Variants in LY6E observed in about 807,000 individuals in gnomAD.
LY6E encodes lymphocyte antigen 6 family member E, also known as lymphocyte antigen 6E.
A neutral mutation model predicts 7.7 loss-of-function variants in LY6E; 4 were observed. The observed-to-expected ratio is 0.52, with a 90% confidence interval of 0.25 to 1.18. The LOEUF (loss-of-function observed/expected upper bound fraction) is 1.18, where lower values mean the gene tolerates loss of function less well. Among genes scored for constraint, LY6E ranks in the 50% most tolerant of loss-of-function variants. LY6E has a pLI of 0.14. For synonymous variants in LY6E, 81 were observed against 80.1 expected (o/e 1.01, Z -0.06); for missense variants, 156 against 168.0 (o/e 0.93, Z 0.40).
rs1248795424 is a variant in LY6E, at chr8:143,020,985, G to A, written c.46G>A (p.Glu16Lys). The A allele has an allele frequency of 4.3e-6, 7 of 1,613,784 alleles. No individual in the cohort carries two copies. Among genetic ancestry groups the A allele is most frequent in the South Asian group, 1.1e-5 (1 of 91,076 alleles). Residue 16 changes from glutamate (E) to lysine (K), a missense_variant, in exon 2 of 4, where the codon GAG (glutamate) becomes AAG (lysine). Coordinates refer to ENST00000292494, the MANE Select transcript of LY6E (RefSeq NM_002346.3). ...PVLLAALLGVERASSLMCFSC... is the reference protein window; with the variant it reads ...PVLLAALLGVKRASSLMCFSC... ...GCTGCTGGCTGCCCTTCTGGGTGTG[G>A]AGCGAGGTGAGGTGCCCTTGGGGAC...
At position 143,021,342 on chromosome 8, in the gene LY6E, G is replaced by C. The variant is rs776848864; in HGVS notation, c.81G>C (p.Leu27Phe). Residue 27 changes from leucine (L) to phenylalanine (F), a missense_variant, in exon 3 of 4, where the codon TTG becomes TTC. Coordinates refer to ENST00000292494, the MANE Select transcript of LY6E (RefSeq NM_002346.3). Reference protein sequence around the residue: ...RASSLMCFSCLNQKSNLYCLK... With the variant: ...RASSLMCFSCFNQKSNLYCLK... ...GCTCGCTGATGTGCTTCTCCTGCTT[G>C]AACCAGAAGAGCAATCTGTACTGCC... The C allele has an allele frequency of 1.2e-6, 2 of 1,613,816 alleles. No homozygotes were observed. Among genetic ancestry groups the C allele is most frequent in the South Asian group, 2.2e-5 (2 of 91,082 alleles).
rs188373137 is a variant in LY6E, at chr8:143,021,987, G to T, written c.*198G>T. ...AGTGGGGCCAGCTGCCCTCACTTCTGGGGTGGATGATGTGACCTTCCTTGG... is the reference window on the plus strand; with the variant it reads ...AGTGGGGCCAGCTGCCCTCACTTCTTGGGTGGATGATGTGACCTTCCTTGG... On this transcript the variant is annotated 3_prime_UTR_variant, in exon 4 of 4. Transcript: ENST00000292494. The T allele has an allele frequency of 1.7e-6, 1 of 598,992 alleles. No homozygotes were observed. 37.1% of individuals were successfully genotyped at this position (598,992 alleles called of 1,614,324 possible). A position where few individuals can be genotyped will look rare whatever the true frequency, so the allele number is the denominator to read the frequency against.
In LY6E at chr8:143,020,894, C is replaced by T; in HGVS notation, c.-46C>T. On this transcript the variant is annotated 5_prime_UTR_variant, in exon 2 of 4. Transcript: ENST00000292494. ...GTGTGTCTCTCCAGAGCAGGACAGGCTGCTTTGGTTTGTGACCTCCAGGCA... is the reference window on the plus strand; with the variant it reads ...GTGTGTCTCTCCAGAGCAGGACAGGTTGCTTTGGTTTGTGACCTCCAGGCA... 6.3e-7 allele frequency: 1 copy of T among 1,594,442 alleles called. No homozygotes were observed. Among genetic ancestry groups the T allele is most frequent in the African/African-American group, 1.3e-5 (1 of 74,740 alleles).
At position 143,021,835 on chromosome 8, in the gene LY6E, C is replaced by G; in HGVS notation, c.*46C>G. The G allele has an allele frequency of 6.6e-7, 1 of 1,521,534 alleles. No homozygotes were observed. Among genetic ancestry groups the G allele is most frequent in the Non-Finnish European group, 8.9e-7 (1 of 1,128,862 alleles). The allele number at this position is 1,521,534 out of a possible 1,614,324, so 94.3% of individuals were successfully genotyped here. Reference sequence around the variant, plus strand: ...GATCCCCCAGCTCAGGAAGGAAAGCCCAGCCCTTTCTGGATCCCACAGTGT... The same window carrying G: ...GATCCCCCAGCTCAGGAAGGAAAGCGCAGCCCTTTCTGGATCCCACAGTGT... On this transcript the variant is annotated 3_prime_UTR_variant, in exon 4 of 4. Transcript: ENST00000292494.
chr8:143,020,388 C>T (rs148136377), intron 1 of LY6E: 2,467 of 154,974 alleles, frequency 0.016, 64 homozygotes, highest in African/African-American at 0.055. Context: ...GCACGTACCA[C>T]GCCCGGCTAA....
In LY6E at chr8:143,021,866, A is replaced by T; in HGVS notation, c.*77A>T. ...CTTTCTGGATCCCACAGTGTATGGG[A>T]GCCCCTGACTCCTCACGTGCCTGAT... On this transcript the variant is annotated 3_prime_UTR_variant, in exon 4 of 4. Coordinates refer to ENST00000292494, the MANE Select transcript of LY6E (RefSeq NM_002346.3). 5 of 1,327,466 alleles carry T rather than the reference A, an allele frequency of 3.8e-6. No individual in the cohort carries two copies. The South Asian group carries it at 6.9e-5, about 18-fold the overall frequency. The allele number at this position is 1,327,466 out of a possible 1,614,324, so 82.2% of individuals were successfully genotyped here. A position where few individuals can be genotyped will look rare whatever the true frequency, so the allele number is the denominator to read the frequency against.
chr8:143,020,970 G>A lies in LY6E; in HGVS notation c.31G>A (p.Ala11Thr), dbSNP rs1359063104. The change falls in exon 2 of 4, where the codon GCC (alanine) becomes ACC (threonine). Residue 11 changes from alanine (A) to threonine (T), a missense_variant. Physicochemically the swap from Ala to Thr is moderately conservative, Grantham distance 58. Transcript: ENST00000292494. ...GATCTTCTTGCCAGTGCTGCTGGCTGCCCTTCTGGGTGTGGAGCGAGGTGA... is the reference window on the plus strand; with the variant it reads ...GATCTTCTTGCCAGTGCTGCTGGCTACCCTTCTGGGTGTGGAGCGAGGTGA... MKIFLPVLLA[A>T]LLGVERASSL... 4.3e-6 allele frequency: 7 copies of A among 1,613,964 alleles called. No homozygotes were observed. The highest frequency in any genetic ancestry group is 1.7e-5 in the Admixed American group (1 of 60,014).
chr8:143,022,369 C>T lies in LY6E; in HGVS notation c.*580C>T, dbSNP rs1223365357. ...CAGCCCACCCCCACATTGGAGCCCT[C>T]CTGCTGCTTTGGTGCCTCAAATAAA... On this transcript the variant is annotated 3_prime_UTR_variant, in exon 4 of 4. Transcript: ENST00000292494. 6.4e-6 allele frequency: 1 copy of T among 155,840 alleles called. No homozygotes were observed. The highest frequency in any genetic ancestry group is 1.9e-4 in the East Asian group (1 of 5,238). The allele number at this position is 155,840 out of a possible 1,614,324, so 9.7% of individuals were successfully genotyped here.
chr8:143,021,116 C>T, intron 2 of LY6E, 125 bp downstream of exon 2: 1 of 1,265,328 alleles, frequency 7.9e-7, no homozygotes, highest in Non-Finnish European at 1.1e-6. Flanking sequence ...GAGGGCTCAC[C>T]CGGCCTGGCC....
intron 2 of LY6E, 119 bp downstream of exon 2, chr8:143,021,110 G>T: frequency 7.7e-7 from 1 of 1,292,674 alleles, no homozygotes; most frequent in South Asian, 1.3e-5. Context: ...CCAGCAGAGG[G>T]CTCACCCGGC....
intron 1 of LY6E, among the ~76,000 whole-genome samples, chr8:143,019,662 TCA>T (rs1819168034): frequency 6.6e-6 from 1 of 152,212 alleles, no homozygotes; most frequent in Admixed American, 6.5e-5. Flanking sequence ...AGCCCAGGTC[TCA>T]CTGTCCTGGC....
At chr8:143,019,434 G>C (rs968392098) in intron 1 of LY6E, among the ~76,000 whole-genome samples, 1 of 152,240 alleles carries the variant, frequency 6.6e-6, no homozygotes, top group African/African-American at 2.4e-5. Context: ...AGCAGGTGGC[G>C]GCACCAGCTG....
rs1297959048 is a variant in LY6E, at chr8:143,020,868, A to T, written c.-57-15A>T. On this transcript the variant is annotated splice_polypyrimidine_tract_variant and intron_variant, in intron 1 of 3. Coordinates refer to ENST00000292494, the MANE Select transcript of LY6E (RefSeq NM_002346.3). ...TGAGGCACCACCCGGCCCCCTAACCAGTGTGTCTCTCCAGAGCAGGACAGG... is the reference window on the plus strand; with the variant it reads ...TGAGGCACCACCCGGCCCCCTAACCTGTGTGTCTCTCCAGAGCAGGACAGG... The T allele has an allele frequency of 6.9e-6, 10 of 1,455,396 alleles. No individual in the cohort carries two copies. The highest frequency in any genetic ancestry group is 9.6e-6 in the Non-Finnish European group (10 of 1,042,096). 90.2% of individuals were successfully genotyped at this position (1,455,396 alleles called of 1,614,324 possible). A position where few individuals can be genotyped will look rare whatever the true frequency, so the allele number is the denominator to read the frequency against.
In LY6E at chr8:143,021,660, C is replaced by A; in HGVS notation, c.267C>A (p.Gly89=). ...TCAATGTTGGTGTGGCTTCCATGGG[C>A]ATCAGCTGCTGCCAGAGCTTTCTGT... ...EGVNVGVASM[G]ISCCQSFLCN... The change falls in exon 4 of 4, where the codon GGC becomes GGA. Residue 89 remains glycine (G), a synonymous_variant. Transcript: ENST00000292494. The A allele has an allele frequency of 6.2e-7, 1 of 1,613,866 alleles. No homozygotes were observed. Among genetic ancestry groups the A allele is most frequent in the South Asian group, 1.1e-5 (1 of 91,090 alleles).
chr8:143,020,920 G>A lies in LY6E; in HGVS notation c.-20G>A. 6.2e-7 allele frequency: 1 copy of A among 1,613,406 alleles called. No individual in the cohort carries two copies. Among genetic ancestry groups the A allele is most frequent in the East Asian group, 2.2e-5 (1 of 44,880 alleles). On this transcript the variant is annotated 5_prime_UTR_variant, in exon 2 of 4. Coordinates refer to ENST00000292494, the MANE Select transcript of LY6E (RefSeq NM_002346.3). ...TGCTTTGGTTTGTGACCTCCAGGCAGGACGGCCATCCTCTCCAGAATGAAG... is the reference window on the plus strand; with the variant it reads ...TGCTTTGGTTTGTGACCTCCAGGCAAGACGGCCATCCTCTCCAGAATGAAG...
intron 1 of LY6E, among the ~76,000 whole-genome samples, chr8:143,020,667 C>T (rs1440107080): frequency 2.0e-5 from 3 of 152,228 alleles, no homozygotes; most frequent in Non-Finnish European, 4.4e-5. Context: ...CCTCCTCTTG[C>T]CTGTGCAGCC....
At chr8:143,020,679 C>G (rs898590012) in intron 1 of LY6E, among the ~76,000 whole-genome samples, 1 of 152,218 alleles carries the variant, frequency 6.6e-6, no homozygotes, top group Admixed American at 6.5e-5. Flanking sequence ...TGTGCAGCCC[C>G]CTCCTGCCAG....
At position 143,020,911 on chromosome 8, in the gene LY6E, C is replaced by T. The variant is rs1021738658; in HGVS notation, c.-29C>T. 2.5e-6 allele frequency: 4 copies of T among 1,611,970 alleles called. No homozygotes were observed. Among genetic ancestry groups the T allele is most frequent in the Middle Eastern group, 1.7e-4 (1 of 6,054 alleles). On this transcript the variant is annotated 5_prime_UTR_variant, in exon 2 of 4. Coordinates refer to ENST00000292494, the MANE Select transcript of LY6E (RefSeq NM_002346.3). ...AGGACAGGCTGCTTTGGTTTGTGACCTCCAGGCAGGACGGCCATCCTCTCC... is the reference window on the plus strand; with the variant it reads ...AGGACAGGCTGCTTTGGTTTGTGACTTCCAGGCAGGACGGCCATCCTCTCC...
rs939780698 is a variant in LY6E, at chr8:143,022,233, G to A, written c.*444G>A. The A allele has an allele frequency of 5.1e-6, 1 of 194,436 alleles. No individual in the cohort carries two copies. The highest frequency in any genetic ancestry group is 2.3e-5 in the African/African-American group (1 of 42,726). The allele number at this position is 194,436 out of a possible 1,614,324, so 12.0% of individuals were successfully genotyped here. On this transcript the variant is annotated 3_prime_UTR_variant, in exon 4 of 4. Coordinates refer to ENST00000292494, the MANE Select transcript of LY6E (RefSeq NM_002346.3). ...AGCAGCCTGGAGAGCCTCAGTCCCTGTAGCCCCCTGCCCTGGCACAGCTGC... is the reference window on the plus strand; with the variant it reads ...AGCAGCCTGGAGAGCCTCAGTCCCTATAGCCCCCTGCCCTGGCACAGCTGC...
Sources: gnomAD v4.1 joint callset for allele counts (sites outside exome capture counted in the v4.1 genomes callset) on GRCh38, gnomAD v4.1.1 for gene constraint, MANE v1.5 for transcripts, NCBI Gene and HGNC (gene_info 2026-07-23, HGNC 2026-07-21) for gene names.